The following CUL9 variants were observed in gnomAD, a reference collection of about 807,000 sequenced individuals.
CUL9 encodes cullin 9.
In CUL9, 79 loss-of-function variants were observed where a neutral mutation model predicts 272.6. The observed-to-expected ratio is 0.29, with a 90% CI of 0.24 to 0.35. The LOEUF (loss-of-function observed/expected upper bound fraction) is 0.35. Among genes scored for constraint, CUL9 ranks in the 10% least tolerant of loss-of-function variants. The pLI, the probability that CUL9 is intolerant of heterozygous loss-of-function variation, is 1.00. For missense variants in CUL9, 2,532 were observed against 3,255.6 expected (o/e 0.78, Z 5.41); for synonymous variants, 1,186 against 1,286.5 (o/e 0.92, Z 1.67).
chr6:43,210,279 A>G (rs1192447178), intron 26 of CUL9, among the ~76,000 whole-genome samples: 1 of 152,200 alleles, frequency 6.6e-6, no homozygotes, highest in Non-Finnish European at 1.5e-5. Flanking sequence ...CCTGGCCGAC[A>G]TTTTTAAAAT....
intron 11 of CUL9, among the ~76,000 whole-genome samples, chr6:43,197,392 C>A (rs1341970020): frequency 6.6e-6 from 1 of 151,860 alleles, no homozygotes; most frequent in East Asian, 1.9e-4. Flanking sequence ...GATTCATATC[C>A]ATCTGGGCTA....
chr6:43,207,188 G>A (rs1435660056), intron 26 of CUL9, among the ~76,000 whole-genome samples: 2 of 152,118 alleles, frequency 1.3e-5, no homozygotes, highest in Non-Finnish European at 2.9e-5. Flanking sequence ...AAGGCTTCAT[G>A]AATTATTATA....
In CUL9 at chr6:43,187,806, ACT is replaced by A; in HGVS notation, c.1679_1680del (p.Leu560GlnfsTer2). On this transcript the variant is annotated frameshift_variant, in exon 7 of 41. Transcript: ENST00000252050. LOFTEE classifies it high-confidence loss of function. ...TCTCAGTAGTCGATTTGAGGGCAGC[ACT>A]CTCAATGACCTGCTCAACTCCCAGA... is the stretch of plus-strand genomic sequence containing the variant. ...QVLSSRFEGS[T>X]LNDLLNSQIY... The A allele has an allele frequency of 6.6e-7, 1 of 1,521,790 alleles. No homozygotes were observed. Among genetic ancestry groups the A allele is most frequent in the African/African-American group, 1.9e-5 (1 of 52,882 alleles). 94.3% of individuals were successfully genotyped at this position (1,521,790 alleles called of 1,614,324 possible). A position where few individuals can be genotyped will look rare whatever the true frequency, so the allele number is the denominator to read the frequency against.
At chr6:43,209,368 C>G (rs1283180935) in intron 26 of CUL9, among the ~76,000 whole-genome samples, 1 of 150,996 alleles carries the variant, frequency 6.6e-6, no homozygotes, top group East Asian at 2.0e-4. Context: ...CCAGGATGGT[C>G]TCGATCTCCT....
Position 43,221,911 on chromosome 6 carries a change from G to A in CUL9, c.6846+133G>A. On this transcript the variant is annotated intron_variant, in intron 35 of 40. Coordinates refer to ENST00000252050, the MANE Select transcript of CUL9 (RefSeq NM_015089.4). The surrounding 1 kb of genome is among the most constrained non-coding windows in gnomAD (Gnocchi z 4.2). ...CTGTTGGGATAGAGGCTCACTGTGG[G>A]GAAGACAGAGCCACCTGGGCCTGCA... is the stretch of plus-strand genomic sequence containing the variant. The A allele has an allele frequency of 1.3e-6, 1 of 748,314 alleles. No individual in the cohort carries two copies. 46.4% of individuals were successfully genotyped at this position (748,314 alleles called of 1,614,324 possible).
Position 43,203,794 on chromosome 6 carries a change from A to T in CUL9, c.4026-60A>T, listed in dbSNP as rs554241941. The T allele has an allele frequency of 6.4e-7, 1 of 1,553,624 alleles. No homozygotes were observed. The highest frequency in any genetic ancestry group is 1.4e-5 in the African/African-American group (1 of 73,614). ...GTGATTGGGAGCTGATCTGCACTTG[A>T]ATGGAGGCCTCTGGGAAATCGGTGC... On this transcript the variant is annotated intron_variant, in intron 19 of 40. Coordinates refer to ENST00000252050, the MANE Select transcript of CUL9 (RefSeq NM_015089.4). The surrounding 1 kb of genome is among the most constrained non-coding windows in gnomAD (Gnocchi z 5.0).
intron 24 of CUL9, 56 bp from the exon 25 acceptor site, chr6:43,205,951 G>A (rs1775011968): frequency 6.6e-7 from 1 of 1,519,398 alleles, no homozygotes; most frequent in Admixed American, 1.7e-5. Context: ...TCGAGGGGGA[G>A]GCTGGGCCAC....
Position 43,205,304 on chromosome 6 carries a change from G to C in CUL9, c.4674G>C (p.Gln1558His). 1 of 1,614,214 alleles carries C rather than the reference G, an allele frequency of 6.2e-7. No homozygotes were observed. ...QFARYIDQQI[Q>H]GGLIGGAPGV... ...CCAGGTACATTGACCAACAGATCCA[G>C]GGTGGCCTGATTGGTGGAGCCCCTG... The change falls in exon 24 of 41, where the codon CAG (glutamine) becomes CAC (histidine). Residue 1558 changes from glutamine to histidine, a missense_variant. By Grantham distance (24) the Gln-to-His change is conservative. Coordinates refer to ENST00000252050, the MANE Select transcript of CUL9 (RefSeq NM_015089.4).
intron 9 of CUL9, among the ~76,000 whole-genome samples, chr6:43,195,209 T>C (rs1458660308): frequency 6.6e-6 from 1 of 152,230 alleles, no homozygotes; most frequent in African/African-American, 2.4e-5. Context: ...ACAAGAGGCA[T>C]TGTCCTGAGA....
intron 26 of CUL9, among the ~76,000 whole-genome samples, chr6:43,211,387 G>A (rs1389803564): frequency 6.6e-6 from 1 of 152,070 alleles, no homozygotes; most frequent in African/African-American, 2.4e-5. Flanking sequence ...GCGAAACCCT[G>A]TCTCTACTCA....
chr6:43,201,394 G>A (rs1774525795), intron 16 of CUL9, among the ~76,000 whole-genome samples: 1 of 152,190 alleles, frequency 6.6e-6, no homozygotes, highest in Admixed American at 6.5e-5. Context: ...CAGCATATGT[G>A]CAAAATGGAA....
In CUL9 at chr6:43,208,015, A is replaced by G. The variant is rs550505848; in HGVS notation, c.5212+1505A>G. 2.0e-5 allele frequency among the ~76,000 whole-genome samples: 3 copies of G among 152,298 alleles called. No homozygotes were observed. The East Asian group carries it at 5.8e-4, about 29-fold the overall frequency. On this transcript the variant is annotated intron_variant, in intron 26 of 40. Transcript: ENST00000252050. ...TAATCATACTGGTTTAACTGTATAT[A>G]TATTTTTTGGCTATTTTGTTAGAAG...
chr6:43,217,919 T>C (rs1026976566), intron 31 of CUL9, among the ~76,000 whole-genome samples: 1 of 152,216 alleles, frequency 6.6e-6, no homozygotes, highest in Non-Finnish European at 1.5e-5. Flanking sequence ...ATGCATTATT[T>C]TACTTAATTC....
rs767470258 is a variant in CUL9, at chr6:43,184,672, C to A, written c.362C>A (p.Ala121Glu). The A allele has an allele frequency of 9.3e-5, 150 of 1,611,818 alleles. No homozygotes were observed. Among genetic ancestry groups the A allele is most frequent in the Non-Finnish European group, 1.2e-4 (146 of 1,178,174 alleles). ...AMGEMEADVQALVRRAARQLA... is the reference protein window; with the variant it reads ...AMGEMEADVQELVRRAARQLA... The stretch of plus-strand genomic sequence containing the variant: ...GGAGAGATGGAGGCTGATGTTCAGG[C>A]GCTGGTACGCAGGGCGGCCAGGCAG... The change falls in exon 2 of 41, where the codon GCG becomes GAG. Residue 121 changes from alanine to glutamate, a missense_variant. By Grantham distance (107) the Ala-to-Glu change is moderately radical. Coordinates refer to ENST00000252050, the MANE Select transcript of CUL9 (RefSeq NM_015089.4). This position sits in a 1 kb window ranked among gnomAD's most constrained non-coding sequence, Gnocchi z 4.8.
chr6:43,216,217 C>T lies in CUL9; in HGVS notation c.5996C>T (p.Pro1999Leu). The change falls in exon 31 of 41, where the codon CCC becomes CTC. Residue 1999 changes from proline (P) to leucine (L), a missense_variant. Physicochemically the swap from Pro to Leu is moderately conservative, Grantham distance 98. Transcript: ENST00000252050. ...LQLPAGRTMS[P>L]QEVEGLMKQT... ...CTGCCTGCAGGCCGCACCATGAGCC[C>T]CCAGGAAGTAGAAGGGTTGATGAAG... 1 of 1,613,632 alleles carries T rather than the reference C, an allele frequency of 6.2e-7. No homozygotes were observed. Among genetic ancestry groups the T allele is most frequent in the Non-Finnish European group, 8.5e-7 (1 of 1,179,642 alleles).
chr6:43,201,366 A>G (rs1226154231), intron 16 of CUL9, among the ~76,000 whole-genome samples: 1 of 152,242 alleles, frequency 6.6e-6, no homozygotes, highest in African/African-American at 2.4e-5. Flanking sequence ...AGAGGGGGCA[A>G]TATTCTAGGC....
At chr6:43,192,963 C>G in intron 8 of CUL9, 38 bp from the exon 9 acceptor site, 2 of 1,600,388 alleles carry the variant, frequency 1.2e-6, no homozygotes, top group Non-Finnish European at 8.6e-7. Context: ...GGCAAGACTC[C>G]TTGGGATGGG....
Position 43,200,418 on chromosome 6 carries a change from C to A in CUL9, c.3385-18C>A. On this transcript the variant is annotated intron_variant, in intron 14 of 40. Transcript: ENST00000252050. The surrounding 1 kb of genome is among the most constrained non-coding windows in gnomAD (Gnocchi z 4.0). Reference sequence around the variant, plus strand: ...CTCCCTCTCCTCTTCCTCATTCTCCCTGATGTTCCGGCTGCAGATGGTGCT... The same window carrying A: ...CTCCCTCTCCTCTTCCTCATTCTCCATGATGTTCCGGCTGCAGATGGTGCT... The A allele has an allele frequency of 1.9e-6, 3 of 1,614,132 alleles. No homozygotes were observed. The highest frequency in any genetic ancestry group is 2.5e-6 in the Non-Finnish European group (3 of 1,180,040).
chr6:43,224,183 C>G lies in CUL9; in HGVS notation c.7358+15C>G. 6.2e-7 allele frequency: 1 copy of G among 1,614,196 alleles called. No homozygotes were observed. The highest frequency in any genetic ancestry group is 8.5e-7 in the Non-Finnish European group (1 of 1,180,012). On this transcript the variant is annotated intron_variant, in intron 40 of 40. Coordinates refer to ENST00000252050, the MANE Select transcript of CUL9 (RefSeq NM_015089.4). The surrounding 1 kb of genome is among the most constrained non-coding windows in gnomAD (Gnocchi z 4.2). ...CCTGGCAGTCAGTAAGTGGGGTGGG[C>G]AGAGCCATGGAGGAGGCAGTGGGAC...
Sources: allele counts gnomAD v4.1 joint callset (sites outside exome capture counted in the v4.1 genomes callset), GRCh38; gene constraint gnomAD v4.1.1; non-coding constraint Gnocchi (gnomAD v3.1); transcripts MANE v1.5; gene names NCBI Gene and HGNC (gene_info 2026-07-23, HGNC 2026-07-21).